Variants in ENOX1 observed in about 807,000 individuals in gnomAD.
The protein encoded by ENOX1 is ecto-NOX disulfide-thiol exchanger 1.
ENOX1 carries 42 observed loss-of-function variants against 82.5 expected under a neutral mutation model. The ratio of observed to expected loss-of-function variants is 0.51; its 90% CI spans 0.40 to 0.66. The LOEUF is 0.66. Ranked by LOEUF, ENOX1 falls within the 30% of genes least tolerant of loss-of-function variation. The pLI, the probability that ENOX1 is intolerant of heterozygous loss-of-function variation, is 0.00. For synonymous variants in ENOX1, 271 were observed against 282.2 expected (o/e 0.96, Z 0.40); for missense variants, 608 against 811.6 (o/e 0.75, Z 3.05).
At chr13:43,224,971 T>C (rs1218412678) in intron 15 of ENOX1, among the ~76,000 whole-genome samples, 1 of 152,212 alleles carries the variant, frequency 6.6e-6, no homozygotes, top group Non-Finnish European at 1.5e-5. Context: ...TGCTTTTTGT[T>C]AAGAAGTTGT....
At chr13:43,312,182 G>T (rs958479221) in intron 11 of ENOX1, among the ~76,000 whole-genome samples, 6 of 152,166 alleles carry the variant, frequency 3.9e-5, no homozygotes, top group African/African-American at 1.4e-4. Flanking sequence ...ATTGGGGGAA[G>T]GGAGAAGACA....
At chr13:43,711,363 T>C (rs955199826) in intron 1 of ENOX1, among the ~76,000 whole-genome samples, 41 of 152,128 alleles carry the variant, frequency 2.7e-4, no homozygotes, top group Admixed American at 1.6e-3. Flanking sequence ...CTATTGTGAA[T>C]AGTGCCACAA....
chr13:43,606,470 G>A (rs185015763), intron 2 of ENOX1, among the ~76,000 whole-genome samples: 3 of 152,282 alleles, frequency 2.0e-5, no homozygotes, highest in East Asian at 3.9e-4. Flanking sequence ...TCAGCCATAA[G>A]AAATGAGATC....
chr13:43,478,063 T>G (rs75803728), intron 3 of ENOX1, among the ~76,000 whole-genome samples: 4,202 of 149,336 alleles, frequency 0.028, 119 homozygotes, highest in South Asian at 0.078. Context: ...GGTTTTTTTT[T>G]TTTTTTTTTT....
At chr13:43,692,078 T>C (rs1388817378) in intron 1 of ENOX1, among the ~76,000 whole-genome samples, 1 of 152,188 alleles carries the variant, frequency 6.6e-6, no homozygotes, top group Non-Finnish European at 1.5e-5. Flanking sequence ...TATATGTGAA[T>C]CTACTTTTTT....
chr13:43,628,676 T>G (rs192218850), intron 2 of ENOX1, among the ~76,000 whole-genome samples: 1 of 152,350 alleles, frequency 6.6e-6, no homozygotes, highest in Admixed American at 6.5e-5. Flanking sequence ...GATTTTCAAT[T>G]GAAAGCTGAA....
chr13:43,641,163 G>T (rs576832609), intron 2 of ENOX1, among the ~76,000 whole-genome samples: 1 of 152,240 alleles, frequency 6.6e-6, no homozygotes, highest in African/African-American at 2.4e-5. Flanking sequence ...AGGTATATCT[G>T]ATCAGGAAAC....
At chr13:43,469,978 G>GCATT (rs2057915703) in intron 3 of ENOX1, among the ~76,000 whole-genome samples, 1 of 151,722 alleles carries the variant, frequency 6.6e-6, no homozygotes, top group African/African-American at 2.4e-5. Flanking sequence ...GCATATTTAT[G>GCATT]TGGTCATTTG....
chr13:43,249,627 A>G (rs575753395), intron 14 of ENOX1, among the ~76,000 whole-genome samples: 59 of 152,292 alleles, frequency 3.9e-4, no homozygotes, highest in South Asian at 8.3e-4. Flanking sequence ...ACCCACTATC[A>G]TAATTTTCAC....
chr13:43,415,601 A>G (rs1403030650), intron 3 of ENOX1, among the ~76,000 whole-genome samples: 1 of 152,108 alleles, frequency 6.6e-6, no homozygotes, highest in African/African-American at 2.4e-5. Flanking sequence ...AGGCAGAAGA[A>G]TTTTTCTTAG....
intron 3 of ENOX1, among the ~76,000 whole-genome samples, chr13:43,426,351 A>G (rs2055299368): frequency 6.6e-6 from 1 of 152,252 alleles, no homozygotes; most frequent in African/African-American, 2.4e-5. Context: ...TTTATAAAAA[A>G]GAAATCGTGC....
chr13:43,748,171 G>A (rs574544086), intron 1 of ENOX1, among the ~76,000 whole-genome samples: 3 of 152,048 alleles, frequency 2.0e-5, no homozygotes, highest in African/African-American at 4.8e-5. Context: ...CAATATAATC[G>A]GCTCCTTGTC....
At chr13:43,618,937 T>TG (rs1373983250) in intron 2 of ENOX1, among the ~76,000 whole-genome samples, 1 of 152,042 alleles carries the variant, frequency 6.6e-6, no homozygotes, top group East Asian at 1.9e-4. Flanking sequence ...TAGTTTTCCT[T>TG]GTAGAAGTCT....
chr13:43,328,025 T>G (rs553786355), intron 9 of ENOX1, among the ~76,000 whole-genome samples: 1 of 152,312 alleles, frequency 6.6e-6, no homozygotes, highest in East Asian at 1.9e-4. Flanking sequence ...TTTATTTGAC[T>G]CAATTTTAAC....
chr13:43,363,655 C>A (rs971614114), intron 5 of ENOX1, among the ~76,000 whole-genome samples: 1 of 152,118 alleles, frequency 6.6e-6, no homozygotes, highest in Non-Finnish European at 1.5e-5. Flanking sequence ...CTATTATTTG[C>A]CAACACAGGA....
rs546261235 is a variant in ENOX1, at chr13:43,216,734, G to A, written c.1801-2613C>T. On this transcript the variant is annotated intron_variant, in intron 16 of 16. Transcript: ENST00000690772. Reference sequence around the variant, plus strand: ...CCAGCACCTTGTTTACAGTGTAACCGCCACCTCCCTTGGAAATGTAGGGAA... The same window carrying A: ...CCAGCACCTTGTTTACAGTGTAACCACCACCTCCCTTGGAAATGTAGGGAA... 2.0e-5 allele frequency among the ~76,000 whole-genome samples: 3 copies of A among 152,276 alleles called. No homozygotes were observed. In the South Asian group the frequency reaches 6.2e-4, roughly 32 times the overall value.
chr13:43,386,143 G>C (rs1194598609), intron 5 of ENOX1, among the ~76,000 whole-genome samples: 3 of 152,142 alleles, frequency 2.0e-5, no homozygotes, highest in African/African-American at 7.2e-5. Flanking sequence ...TCCAGCCTGG[G>C]CGACAGAACA....
At chr13:43,300,564 G>C (rs2046514634) in intron 11 of ENOX1, among the ~76,000 whole-genome samples, 1 of 152,154 alleles carries the variant, frequency 6.6e-6, no homozygotes, top group Non-Finnish European at 1.5e-5. Flanking sequence ...ATCAAAGGTA[G>C]AACACTTGGG....
At chr13:43,683,845 G>A (rs574295243) in intron 1 of ENOX1, among the ~76,000 whole-genome samples, 2 of 152,116 alleles carry the variant, frequency 1.3e-5, no homozygotes, top group African/African-American at 4.8e-5. Flanking sequence ...CTATAAATAT[G>A]TATTTAGACA....
Sources: gnomAD v4.1 joint callset for allele counts (sites outside exome capture counted in the v4.1 genomes callset) on GRCh38, gnomAD v4.1.1 for gene constraint, MANE v1.5 for transcripts, NCBI Gene and HGNC (gene_info 2026-07-23, HGNC 2026-07-21) for gene names.